The following KATNBL1 variants were observed in gnomAD, a reference collection of about 807,000 sequenced individuals.
The protein encoded by KATNBL1 is KATNB1-like protein 1.
A neutral mutation model predicts 44.7 loss-of-function variants in KATNBL1; 28 were observed. The observed-to-expected ratio is 0.63, with a 90% CI of 0.46 to 0.86. The LOEUF (loss-of-function observed/expected upper bound fraction) is 0.86, where lower values mean the gene tolerates loss of function less well. KATNBL1 is among the 40% of genes least tolerant of loss of function. KATNBL1 has a pLI of 0.00. For missense variants in KATNBL1, 272 were observed against 350.7 expected, an observed-to-expected ratio of 0.78 and a Z score of 1.79; for synonymous variants, 78 against 114.9, an observed-to-expected ratio of 0.68 and a Z score of 2.06.
intron 2 of KATNBL1, among the ~76,000 whole-genome samples, chr15:34,156,378 C>G (rs1173511147): frequency 1.3e-5 from 2 of 152,202 alleles, no homozygotes; most frequent in Non-Finnish European, 2.9e-5. Context: ...ACAGCCCATG[C>G]CTGGTTGACT....
At chr15:34,151,605 C>T (rs1345423283) in intron 4 of KATNBL1, among the ~76,000 whole-genome samples, 1 of 151,314 alleles carries the variant, frequency 6.6e-6, no homozygotes, top group African/African-American at 2.4e-5. Context: ...GCGTGCACCA[C>T]CACGCCTGGG....
chr15:34,153,495 C>T (rs538690429), intron 3 of KATNBL1, among the ~76,000 whole-genome samples: 3 of 152,226 alleles, frequency 2.0e-5, no homozygotes, highest in South Asian at 4.1e-4. Context: ...TAGAGCAAGC[C>T]TCATCGTTTA....
chr15:34,183,020 G>C (rs965777372), intron 1 of KATNBL1, among the ~76,000 whole-genome samples: 1 of 152,176 alleles, frequency 6.6e-6, no homozygotes, highest in African/African-American at 2.4e-5. Context: ...AGACTCCTTG[G>C]ATACCTGGCA....
At chr15:34,203,621 A>G (rs1321162598) in intron 1 of KATNBL1, among the ~76,000 whole-genome samples, 2 of 152,190 alleles carry the variant, frequency 1.3e-5, no homozygotes, top group Admixed American at 6.5e-5. Flanking sequence ...ACCTCTCACT[A>G]GACTGTGAGC....
At chr15:34,152,392 C>CA (rs1034022418) in intron 4 of KATNBL1, among the ~76,000 whole-genome samples, 5 of 151,902 alleles carry the variant, frequency 3.3e-5, no homozygotes, top group African/African-American at 1.2e-4. Flanking sequence ...TTAGTAGAGG[C>CA]AGGGTTTCAC....
At chr15:34,203,795 C>T (rs981901152) in intron 1 of KATNBL1, among the ~76,000 whole-genome samples, 1 of 151,916 alleles carries the variant, frequency 6.6e-6, no homozygotes, top group Non-Finnish European at 1.5e-5. Context: ...AAACCAAACA[C>T]TGCATGTTCT....
intron 3 of KATNBL1, among the ~76,000 whole-genome samples, chr15:34,154,263 C>T (rs144570845): frequency 5.3e-5 from 8 of 152,250 alleles, no homozygotes; most frequent in African/African-American, 7.2e-5. Context: ...TTTAGGGACC[C>T]GCAGGTCCTC....
rs370011402 is a variant in KATNBL1, at chr15:34,156,156, T to C, written c.118-1472A>G. 1.9e-3 allele frequency among the ~76,000 whole-genome samples: 288 copies of C among 152,264 alleles called. 10 individuals carry two copies. The South Asian group carries it at 0.048, about 25-fold the overall frequency. On this transcript the variant is annotated intron_variant, in intron 2 of 9. Coordinates refer to ENST00000256544, the MANE Select transcript of KATNBL1 (RefSeq NM_024713.3). ...GACTGGTTGGTGAGCTCTTGGAAAG[T>C]CTTAAGCTCACCGCATCCTTTTAGG... is the stretch of plus-strand genomic sequence containing the variant.
At chr15:34,188,138 A>AAAAAAAC (rs1567534680) in intron 1 of KATNBL1, among the ~76,000 whole-genome samples, 1 of 49,468 alleles carries the variant, frequency 2.0e-5, no homozygotes, top group East Asian at 4.5e-4. Context: ...GACGCCATGT[A>AAAAAAAC]AAAAAAAAAA....
At chr15:34,145,614 G>A (rs1888284360) in intron 8 of KATNBL1, 123 bp from the exon 9 acceptor site, 1 of 881,968 alleles carries the variant, frequency 1.1e-6, no homozygotes, top group Non-Finnish European at 1.5e-6. Flanking sequence ...AGAAAATGAT[G>A]CTATTTGAAA....
At chr15:34,166,562 C>G (rs1486863129) in intron 1 of KATNBL1, among the ~76,000 whole-genome samples, 1 of 152,374 alleles carries the variant, frequency 6.6e-6, no homozygotes, top group Middle Eastern at 3.4e-3. Context: ...ACTTCCCAGT[C>G]TGATAGCTCT....
chr15:34,143,072 A>C (rs1418090431), intron 9 of KATNBL1: 1 of 1,196,222 alleles, frequency 8.4e-7, no homozygotes, highest in Non-Finnish European at 1.1e-6. Context: ...TTTTGTAAGA[A>C]AGTCTCATCA....
chr15:34,142,543 T>C (rs977865778), intron 9 of KATNBL1, 172 bp from the exon 10 acceptor site: 2 of 614,140 alleles, frequency 3.3e-6, no homozygotes, highest in African/African-American at 3.8e-5. Context: ...GCACAGGGCC[T>C]GGCACATAGT....
chr15:34,170,492 C>T (rs563257117), intron 1 of KATNBL1, among the ~76,000 whole-genome samples: 39 of 152,248 alleles, frequency 2.6e-4, no homozygotes, highest in Admixed American at 6.5e-4. Context: ...GAATCAATAT[C>T]GTGAAAATGG....
chr15:34,207,015 A>C (rs1192848165), intron 1 of KATNBL1, among the ~76,000 whole-genome samples: 2 of 149,182 alleles, frequency 1.3e-5, no homozygotes, highest in Non-Finnish European at 2.9e-5. Flanking sequence ...GTTATGATGC[A>C]TCTTGTTGTT....
chr15:34,188,361 G>C (rs1228839269), intron 1 of KATNBL1, among the ~76,000 whole-genome samples: 1 of 151,782 alleles, frequency 6.6e-6, no homozygotes, highest in Non-Finnish European at 1.5e-5. Context: ...TTCGAGATCA[G>C]CCTGGCCAAC....
In KATNBL1 at chr15:34,181,769, TAC is replaced by T. The variant is rs1200871626; in HGVS notation, c.-14-18081_-14-18080del. Among the ~76,000 whole-genome samples, 8 of 133,394 alleles carry T rather than the reference TAC, an allele frequency of 6.0e-5. 1 individual carries two copies. The highest frequency in any genetic ancestry group is 2.3e-4 in the African/African-American group (8 of 35,416). The allele number at this position is 133,394 out of a possible 152,430, so 87.5% of individuals were successfully genotyped here. ...ATGTCCATATATATATCCATATATA[TAC>T]ACATATATATGTCCATATATATATC... is the stretch of plus-strand genomic sequence containing the variant. On this transcript the variant is annotated intron_variant, in intron 1 of 9. Transcript: ENST00000256544.
At chr15:34,165,319 T>TA (rs1028848837) in intron 1 of KATNBL1, among the ~76,000 whole-genome samples, 10 of 151,546 alleles carry the variant, frequency 6.6e-5, no homozygotes, top group African/African-American at 2.2e-4. Flanking sequence ...AATGTGAGAT[T>TA]TTTTTTTTCA....
At chr15:34,149,509 C>T (rs889821707) in intron 4 of KATNBL1, among the ~76,000 whole-genome samples, 1 of 151,976 alleles carries the variant, frequency 6.6e-6, no homozygotes, top group African/African-American at 2.4e-5. Flanking sequence ...CTGCAACCTC[C>T]GCCTCCCAAG....
Sources: gnomAD v4.1 joint callset for allele counts (sites outside exome capture counted in the v4.1 genomes callset) on GRCh38, gnomAD v4.1.1 for gene constraint, MANE v1.5 for transcripts, NCBI Gene and HGNC (gene_info 2026-07-23, HGNC 2026-07-21) for gene names.